TBC1D2: variants seen among roughly 807,000 people sequenced by gnomAD.
TBC1D2 encodes TBC1 domain family member 2A.
A neutral mutation model predicts 91.1 loss-of-function variants in TBC1D2; 58 were observed. The ratio of observed to expected loss-of-function variants is 0.64; its 90% CI spans 0.52 to 0.79. TBC1D2 has a LOEUF of 0.79. Among genes scored for constraint, TBC1D2 ranks in the 30% least tolerant of loss-of-function variants. The pLI, the probability that TBC1D2 is intolerant of heterozygous loss-of-function variation, is 0.00. For synonymous variants in TBC1D2, 482 were observed against 511.5 expected (o/e 0.94, Z 0.78); for missense variants, 1,080 against 1,208.3 (o/e 0.89, Z 1.57).
intron 6 of TBC1D2, among the ~76,000 whole-genome samples, chr9:98,217,567 C>G (rs1425099388): frequency 6.6e-6 from 1 of 152,230 alleles, no homozygotes; most frequent in Non-Finnish European, 1.5e-5. Context: ...TAACAAGGGG[C>G]ATTCCCTAAA....
At chr9:98,237,513 CTT>C (rs929206241) in intron 3 of TBC1D2, among the ~76,000 whole-genome samples, 2 of 143,822 alleles carry the variant, frequency 1.4e-5, no homozygotes, top group Non-Finnish European at 1.5e-5. Flanking sequence ...CTTTTTTTTT[CTT>C]TTTTTTTTTG....
intron 8 of TBC1D2, 69 bp from the exon 9 acceptor site, chr9:98,209,213 G>C (rs559438064): frequency 6.7e-7 from 1 of 1,492,116 alleles, no homozygotes; most frequent in African/African-American, 1.4e-5. Context: ...GGTGGTGACA[G>C]GGAGGACCCC....
At chr9:98,206,949 G>A (rs1828669794) in intron 9 of TBC1D2, among the ~76,000 whole-genome samples, 1 of 152,238 alleles carries the variant, frequency 6.6e-6, no homozygotes, top group Admixed American at 6.5e-5. Flanking sequence ...TCTTAGAAGA[G>A]GCTTTGCAGG....
chr9:98,212,971 T>C (rs1437072463), intron 7 of TBC1D2, 137 bp downstream of exon 7: 16 of 882,878 alleles, frequency 1.8e-5, no homozygotes, highest in Admixed American at 1.2e-4. Flanking sequence ...GAACCTGATA[T>C]GGGCCCTGCT....
At chr9:98,247,025 TA>T (rs35136067) in intron 2 of TBC1D2, among the ~76,000 whole-genome samples, 387 of 130,574 alleles carry the variant, frequency 3.0e-3, no homozygotes, top group Middle Eastern at 3.8e-3. Context: ...TGCAAATCAG[TA>T]AAAAAAAAAA....
intron 8 of TBC1D2, among the ~76,000 whole-genome samples, 190 bp downstream of exon 8, chr9:98,210,466 G>A (rs1828803263): frequency 1.3e-5 from 2 of 152,162 alleles, no homozygotes; most frequent in African/African-American, 4.8e-5. Context: ...TGTACTATAG[G>A]GCCATGGCAG....
At position 98,221,006 on chromosome 9, in the gene TBC1D2, G is replaced by C. The variant is rs1829085033; in HGVS notation, c.1201C>G (p.Gln401Glu). The part of the protein sequence containing the change: ...SLREQQVQEL[Q>E]QHVQLLMDKN... The stretch of plus-strand genomic sequence containing the variant: ...TCCATAAGCAGCTGCACGTGCTGCT[G>C]TAGCTCCTGCACCTGCTGCTCCCGC... Residue 401 changes from glutamine to glutamate, a missense_variant, in exon 6 of 13, where the codon CAG becomes GAG. Transcript: ENST00000465784. The C allele has an allele frequency of 1.2e-6, 2 of 1,614,038 alleles. No homozygotes were observed. Among genetic ancestry groups the C allele is most frequent in the African/African-American group, 1.3e-5 (1 of 74,946 alleles).
Position 98,233,552 on chromosome 9 carries a change from G to C in TBC1D2, c.648-3C>G, listed in dbSNP as rs769741620. On this transcript the variant is annotated splice_region_variant and splice_polypyrimidine_tract_variant and intron_variant, in intron 3 of 12. Transcript: ENST00000465784. ...CACGGATGTTGTGCATTGTGTTCCT[G>C]AAAGGAGACAAGAACAGAGGAGCAT... is the stretch of plus-strand genomic sequence containing the variant. 1.1e-5 allele frequency: 18 copies of C among 1,613,816 alleles called. No individual in the cohort carries two copies.
chr9:98,235,394 G>T, intron 3 of TBC1D2: 1 of 475,134 alleles, frequency 2.1e-6, no homozygotes, highest in South Asian at 1.6e-5. Flanking sequence ...GCTAGTACTT[G>T]GAAGCAAGAG....
intron 7 of TBC1D2, among the ~76,000 whole-genome samples, chr9:98,211,525 T>C (rs1828839347): frequency 6.6e-6 from 1 of 152,166 alleles, no homozygotes; most frequent in Admixed American, 6.5e-5. Context: ...GTCAGGCAAG[T>C]TCCTTGTTTT....
chr9:98,216,687 G>C (rs966239468), intron 6 of TBC1D2, among the ~76,000 whole-genome samples: 1 of 152,072 alleles, frequency 6.6e-6, no homozygotes, highest in African/African-American at 2.4e-5. Flanking sequence ...TGTGCTCATG[G>C]ATATTTATTT....
intron 6 of TBC1D2, among the ~76,000 whole-genome samples, chr9:98,217,797 C>T (rs565228128): frequency 6.6e-6 from 1 of 152,128 alleles, no homozygotes; most frequent in Non-Finnish European, 1.5e-5. Context: ...ACCACAGCCT[C>T]GAACTCCTGG....
intron 4 of TBC1D2, among the ~76,000 whole-genome samples, chr9:98,231,279 CTTTTTTTTTT>C (rs35195996): frequency 3.9e-4 from 30 of 76,714 alleles, no homozygotes; most frequent in Admixed American, 8.1e-4. Context: ...CTCAACTCTG[CTTTTTTTTTT>C]TTTTTTTTTT....
rs992247567 is a variant in TBC1D2, at chr9:98,213,325, T to C, written c.1375-107A>G. 9.8e-5 allele frequency: 150 copies of C among 1,528,808 alleles called. 1 individual carries two copies. Among genetic ancestry groups the C allele is most frequent in the Admixed American group, 2.0e-4 (9 of 45,828 alleles). 94.7% of individuals were successfully genotyped at this position (1,528,808 alleles called of 1,614,324 possible). Reference sequence around the variant, plus strand: ...CCAAAGCTTCTTTTCCTTAGAAATTTCCAATAATGGCAACAGAAGAGGAAG... The same window carrying C: ...CCAAAGCTTCTTTTCCTTAGAAATTCCCAATAATGGCAACAGAAGAGGAAG... On this transcript the variant is annotated intron_variant, in intron 6 of 12. Transcript: ENST00000465784.
chr9:98,254,535 T>C (rs1244519380), intron 1 of TBC1D2, among the ~76,000 whole-genome samples: 1 of 152,212 alleles, frequency 6.6e-6, no homozygotes, highest in African/African-American at 2.4e-5. Flanking sequence ...CCGTCTGATT[T>C]CAAAGAATGT....
chr9:98,244,082 G>T lies in TBC1D2; in HGVS notation c.559C>A (p.Pro187Thr). 3 of 1,613,292 alleles carry T rather than the reference G, an allele frequency of 1.9e-6. No individual in the cohort carries two copies. Among genetic ancestry groups the T allele is most frequent in the South Asian group, 1.1e-5 (1 of 90,814 alleles). ...GCTGCCACGCCCACTAGCCCAGGGG[G>T]TGTTTTCACAGGGCACAGGAACTCC... ...LEEFLCPVKT[P>T]PGLVGVAAAL... Residue 187 changes from proline (P) to threonine (T), a missense_variant, in exon 3 of 13, where the codon CCC (proline) becomes ACC (threonine). By Grantham distance (38) the Pro-to-Thr change is conservative. Transcript: ENST00000465784.
At chr9:98,225,234 C>T (rs911426554) in intron 5 of TBC1D2, among the ~76,000 whole-genome samples, 1 of 152,206 alleles carries the variant, frequency 6.6e-6, no homozygotes, top group Non-Finnish European at 1.5e-5. Flanking sequence ...AGACGGCCTT[C>T]AGGCTGGGTG....
chr9:98,204,115 T>C (rs1828585457), intron 9 of TBC1D2, among the ~76,000 whole-genome samples: 1 of 152,172 alleles, frequency 6.6e-6, no homozygotes, highest in Non-Finnish European at 1.5e-5. Flanking sequence ...CAGGGAAGTC[T>C]TCCTGGGATA....
At chr9:98,247,119 G>A (rs1183668645) in intron 2 of TBC1D2, among the ~76,000 whole-genome samples, 3 of 151,728 alleles carry the variant, frequency 2.0e-5, no homozygotes, top group African/African-American at 7.3e-5. Context: ...CCTGAGGTCA[G>A]GAGTTCAAGA....
Sources: gnomAD v4.1 joint callset for allele counts (sites outside exome capture counted in the v4.1 genomes callset) on GRCh38, gnomAD v4.1.1 for gene constraint, MANE v1.5 for transcripts, NCBI Gene and HGNC (gene_info 2026-07-23, HGNC 2026-07-21) for gene names.